Variants in CNTN5 observed in about 807,000 individuals in gnomAD.
CNTN5 encodes contactin 5.
CNTN5 carries 77 observed loss-of-function variants against 129.1 expected under a neutral mutation model. That is an observed-to-expected ratio of 0.60 (90% CI 0.50 to 0.72). The LOEUF is 0.72. Among genes scored for constraint, CNTN5 ranks in the 30% least tolerant of loss-of-function variants. The probability of loss-of-function intolerance (pLI) is 0.00; values close to 1 mark genes in which losing one functional copy is unlikely to be tolerated. For synonymous variants in CNTN5, 509 were observed against 465.6 expected (o/e 1.09, Z -1.20); for missense variants, 1,478 against 1,328.8 (o/e 1.11, Z -1.75).
chr11:99,161,381 A>C (rs1191098168), intron 1 of CNTN5, among the ~76,000 whole-genome samples: 1 of 152,100 alleles, frequency 6.6e-6, no homozygotes, highest in African/African-American at 2.4e-5. Context: ...TAAGGAAATA[A>C]ACTTCTCCAC....
At chr11:100,234,761 C>A (rs1337777221) in intron 16 of CNTN5, among the ~76,000 whole-genome samples, 1 of 137,784 alleles carries the variant, frequency 7.3e-6, no homozygotes, top group Non-Finnish European at 1.5e-5. Flanking sequence ...ATGTAACAAA[C>A]CTACACATTC....
intron 15 of CNTN5, among the ~76,000 whole-genome samples, chr11:100,214,202 A>C (rs1277789741): frequency 6.6e-6 from 1 of 152,178 alleles, no homozygotes; most frequent in Non-Finnish European, 1.5e-5. Context: ...AAAATGTATG[A>C]AAGTTCTTCT....
chr11:99,436,461 T>C (rs956150319), intron 2 of CNTN5, among the ~76,000 whole-genome samples: 2 of 152,192 alleles, frequency 1.3e-5, no homozygotes, highest in African/African-American at 4.8e-5. Context: ...CAGCATACGT[T>C]TGAATCTTAC....
chr11:100,338,799 C>T (rs968089671), intron 21 of CNTN5, among the ~76,000 whole-genome samples: 1 of 151,624 alleles, frequency 6.6e-6, no homozygotes, highest in Non-Finnish European at 1.5e-5. Context: ...GTGCTAGGTG[C>T]CTGTGACCCC....
chr11:100,287,916 T>C (rs1408298487), intron 18 of CNTN5, among the ~76,000 whole-genome samples: 1 of 152,082 alleles, frequency 6.6e-6, no homozygotes, highest in African/African-American at 2.4e-5. Flanking sequence ...GAGGAAGATC[T>C]ACCAAGCAAA....
chr11:99,055,024 C>T (rs923652345), intron 1 of CNTN5, among the ~76,000 whole-genome samples: 3 of 151,904 alleles, frequency 2.0e-5, no homozygotes, highest in Admixed American at 6.6e-5. Flanking sequence ...ACCTAGAAGG[C>T]TTATTAAAAC....
chr11:99,839,799 C>T (rs1947421180), intron 4 of CNTN5, among the ~76,000 whole-genome samples: 1 of 151,932 alleles, frequency 6.6e-6, no homozygotes, highest in South Asian at 2.1e-4. Flanking sequence ...GATAGTAATA[C>T]AGCAACCAAA....
chr11:99,921,395 G>A (rs1224585252), intron 7 of CNTN5, among the ~76,000 whole-genome samples: 2 of 152,092 alleles, frequency 1.3e-5, no homozygotes, highest in African/African-American at 4.8e-5. Flanking sequence ...CCCTAGGCCT[G>A]GATCATGTAT....
At chr11:99,365,826 A>G (rs890172708) in intron 2 of CNTN5, among the ~76,000 whole-genome samples, 1 of 152,194 alleles carries the variant, frequency 6.6e-6, no homozygotes, top group African/African-American at 2.4e-5. Flanking sequence ...ACATAGTATA[A>G]TTGATTTGAA....
chr11:99,964,776 A>G (rs1435709204), intron 8 of CNTN5, among the ~76,000 whole-genome samples: 1 of 152,120 alleles, frequency 6.6e-6, no homozygotes, highest in Non-Finnish European at 1.5e-5. Context: ...TCAGCTGTGA[A>G]TCCATCTGGT....
intron 2 of CNTN5, among the ~76,000 whole-genome samples, chr11:99,367,019 G>A (rs61891990): frequency 0.029 from 4,353 of 152,174 alleles, 84 homozygotes; most frequent in Middle Eastern, 0.051. Context: ...GTTTTTGATA[G>A]AATAGAATCA....
intron 1 of CNTN5, among the ~76,000 whole-genome samples, chr11:99,077,244 A>T (rs888395559): frequency 5.5e-5 from 8 of 144,878 alleles, no homozygotes; most frequent in Non-Finnish European, 1.2e-4. Flanking sequence ...TTAAAGTAAA[A>T]GTTAAGTGAT....
At chr11:99,803,600 A>C (rs1946179308) in intron 3 of CNTN5, among the ~76,000 whole-genome samples, 1 of 152,276 alleles carries the variant, frequency 6.6e-6, no homozygotes, top group East Asian at 1.9e-4. Flanking sequence ...GACAGTGTCT[A>C]CTGTTTTGGA....
intron 7 of CNTN5, among the ~76,000 whole-genome samples, chr11:99,925,849 G>T (rs1028198712): frequency 6.6e-6 from 1 of 151,946 alleles, no homozygotes; most frequent in Non-Finnish European, 1.5e-5. Context: ...GAATATAAGA[G>T]GTAGTCCCAA....
chr11:99,407,714 A>T (rs1942144140), intron 2 of CNTN5, among the ~76,000 whole-genome samples: 1 of 152,132 alleles, frequency 6.6e-6, no homozygotes, highest in South Asian at 2.1e-4. Context: ...TTGTAGTGGC[A>T]AGGCTTGTGG....
At chr11:100,087,079 A>C (rs78295714) in intron 13 of CNTN5, among the ~76,000 whole-genome samples, 1 of 151,724 alleles carries the variant, frequency 6.6e-6, no homozygotes, top group African/African-American at 2.4e-5. Context: ...AAATATTGAT[A>C]CTTTCAGAGG....
intron 1 of CNTN5, among the ~76,000 whole-genome samples, chr11:99,181,278 G>A (rs182289367): frequency 2.0e-4 from 30 of 152,320 alleles, no homozygotes; most frequent in African/African-American, 6.5e-4. Context: ...CCCAGAGGGC[G>A]CCCAGGGAAC....
At chr11:100,309,794 C>T (rs181677841) in intron 21 of CNTN5, 28 of 632,280 alleles carry the variant, frequency 4.4e-5, no homozygotes, top group East Asian at 4.2e-4. Flanking sequence ...AGGAGGGACA[C>T]GTGCCTCCTC....
chr11:99,750,873 A>T (rs997035451), intron 3 of CNTN5, among the ~76,000 whole-genome samples: 1 of 152,186 alleles, frequency 6.6e-6, no homozygotes, highest in African/African-American at 2.4e-5. Flanking sequence ...AGCCTGGAGC[A>T]TCTGTTTCTG....
Sources: gnomAD v4.1 joint callset for allele counts (sites outside exome capture counted in the v4.1 genomes callset) on GRCh38, gnomAD v4.1.1 for gene constraint, MANE v1.5 for transcripts, NCBI Gene and HGNC (gene_info 2026-07-23, HGNC 2026-07-21) for gene names.